Variants in SSUH2 observed in about 807,000 individuals in gnomAD.
SSUH2 encodes protein SSUH2 homolog.
SSUH2 carries 47 observed loss-of-function variants against 55.3 expected under a neutral mutation model. The ratio of observed to expected loss-of-function variants is 0.85; its 90% CI spans 0.67 to 1.08. The LOEUF (loss-of-function observed/expected upper bound fraction) is 1.08. SSUH2 is among the 50% of genes least tolerant of loss of function. The pLI is 0.00. For missense variants in SSUH2, 535 were observed against 490.7 expected, an observed-to-expected ratio of 1.09 and a Z score of -0.85; for synonymous variants, 212 against 191.5, an observed-to-expected ratio of 1.11 and a Z score of -0.89.
intron 2 of SSUH2, among the ~76,000 whole-genome samples, chr3:8,679,144 C>T (rs1355598731): frequency 1.9e-5 from 2 of 104,582 alleles, no homozygotes; most frequent in African/African-American, 3.2e-5. Context: ...GAGGCACCCC[C>T]GCGAGGCGGG....
In SSUH2 at chr3:8,619,839, T is replaced by C. The variant is rs1278329753; in HGVS notation, c.*29A>G. 6.2e-7 allele frequency: 1 copy of C among 1,606,356 alleles called. No individual in the cohort carries two copies. The highest frequency in any genetic ancestry group is 1.7e-5 in the Admixed American group (1 of 59,204). On this transcript the variant is annotated 3_prime_UTR_variant, in exon 12 of 12. Coordinates refer to ENST00000544814, the MANE Select transcript of SSUH2 (RefSeq NM_001256748.3). ...GGCCATCTTCCTTGGCAAACGTGAA[T>C]GGCAGGCTCTGGGGACAGCCATGCT...
chr3:8,624,127 A>T (rs1208094190), intron 10 of SSUH2, among the ~76,000 whole-genome samples: 2 of 150,568 alleles, frequency 1.3e-5, no homozygotes, highest in Non-Finnish European at 2.9e-5. Flanking sequence ...GCACTGGGGC[A>T]TCTCCTCGGT....
chr3:8,627,907 C>T, intron 7 of SSUH2, 124 bp from the exon 8 acceptor site: 1 of 694,032 alleles, frequency 1.4e-6, no homozygotes, highest in East Asian at 3.1e-5. Flanking sequence ...GCCCCTTCAT[C>T]TGTAAAATGG....
chr3:8,666,193 C>CT (rs1703976429), intron 5 of SSUH2, among the ~76,000 whole-genome samples: 1 of 152,142 alleles, frequency 6.6e-6, no homozygotes, highest in Admixed American at 6.5e-5. Flanking sequence ...CTGCTTTTTA[C>CT]TTTTTTTCTC....
Position 8,635,803 on chromosome 3 carries a change from A to G in SSUH2, c.83T>C (p.Leu28Pro), listed in dbSNP as rs1699832099. The change falls in exon 2 of 12, where the codon CTC (leucine) becomes CCC (proline). Residue 28 changes from leucine to proline, a missense_variant. Transcript: ENST00000544814. Reference protein sequence around the residue: ...AESPLAPPTELLERLPSYDWL... With the variant: ...AESPLAPPTEPLERLPSYDWL... ...GTCATAGCTGGGCAGTCTCTCCAGGAGCTCTGTGGGGGGCGCCAGAGGACT... is the reference window on the plus strand; with the variant it reads ...GTCATAGCTGGGCAGTCTCTCCAGGGGCTCTGTGGGGGGCGCCAGAGGACT... 2 of 1,535,938 alleles carry G rather than the reference A, an allele frequency of 1.3e-6. No individual in the cohort carries two copies. Among genetic ancestry groups the G allele is most frequent in the Non-Finnish European group, 1.7e-6 (2 of 1,146,886 alleles).
chr3:8,641,648 G>A (rs947373410), intron 1 of SSUH2, among the ~76,000 whole-genome samples: 5 of 152,198 alleles, frequency 3.3e-5, no homozygotes, highest in Admixed American at 6.5e-5. Flanking sequence ...GACCAGATGG[G>A]CCCCTAGAGG....
At chr3:8,663,386 A>G (rs1295341036) in intron 6 of SSUH2, among the ~76,000 whole-genome samples, 2 of 152,264 alleles carry the variant, frequency 1.3e-5, no homozygotes, top group Non-Finnish European at 1.5e-5. Flanking sequence ...GCTGAGCCCA[A>G]GGAAGTGCCT....
chr3:8,635,754 C>A lies in SSUH2; in HGVS notation c.127+5G>T. ...CCCAAAGAACCAAGCCCTCTTGGAA[C>A]TTACTGCCCCCTTGAAGAAGCCAGT... On this transcript the variant is annotated splice_donor_5th_base_variant and intron_variant, in intron 2 of 11. Transcript: ENST00000544814. 1.3e-6 allele frequency: 2 copies of A among 1,534,818 alleles called. No individual in the cohort carries two copies. The highest frequency in any genetic ancestry group is 1.7e-6 in the Non-Finnish European group (2 of 1,146,270).
At chr3:8,680,831 C>A (rs887599323) in intron 1 of SSUH2, among the ~76,000 whole-genome samples, 5 of 152,054 alleles carry the variant, frequency 3.3e-5, no homozygotes, top group African/African-American at 4.8e-5. Flanking sequence ...GGGTGTACAC[C>A]TCGTTCTCTA....
At chr3:8,672,611 T>C (rs1182901433) in intron 3 of SSUH2, among the ~76,000 whole-genome samples, 1 of 152,116 alleles carries the variant, frequency 6.6e-6, no homozygotes, top group Non-Finnish European at 1.5e-5. Context: ...CCCTGCTGTT[T>C]GGGGAGTCAT....
At position 8,620,008 on chromosome 3, in the gene SSUH2, T is replaced by A. The variant is rs148585595; in HGVS notation, c.988A>T (p.Thr330Ser). ...SRARVLQQRQTIELIPLTEVH... is the reference protein window; with the variant it reads ...SRARVLQQRQSIELIPLTEVH... The stretch of plus-strand genomic sequence containing the variant: ...TCTGTGAGGGGGATCAGCTCAATGG[T>A]CTGGCGCTGAGGAAACAAATAGCCA... Residue 330 changes from threonine to serine, a missense_variant, in exon 12 of 12, where the codon ACC (threonine) becomes TCC (serine). Coordinates refer to ENST00000544814, the MANE Select transcript of SSUH2 (RefSeq NM_001256748.3). 3 of 1,613,928 alleles carry A rather than the reference T, an allele frequency of 1.9e-6. No homozygotes were observed. In the African/African-American group the frequency reaches 4.0e-5, roughly 22 times the overall value.
chr3:8,626,209 AT>A lies in SSUH2; in HGVS notation c.767+19del. 1 of 1,604,940 alleles carries A rather than the reference AT, an allele frequency of 6.2e-7. No individual in the cohort carries two copies. On this transcript the variant is annotated intron_variant, in intron 9 of 11. Coordinates refer to ENST00000544814, the MANE Select transcript of SSUH2 (RefSeq NM_001256748.3). ...CTCAGCCACCCCCGCATGCCACAGC[AT>A]TGAGACACTGCCACATACCACATGA...
In SSUH2 at chr3:8,635,756, T is replaced by C; in HGVS notation, c.127+3A>G. ...CAAAGAACCAAGCCCTCTTGGAACT[T>C]ACTGCCCCCTTGAAGAAGCCAGTCA... On this transcript the variant is annotated splice_donor_region_variant and intron_variant, in intron 2 of 11. Transcript: ENST00000544814. 1 of 1,535,094 alleles carries C rather than the reference T, an allele frequency of 6.5e-7. No homozygotes were observed. Among genetic ancestry groups the C allele is most frequent in the Non-Finnish European group, 8.7e-7 (1 of 1,146,384 alleles).
intron 5 of SSUH2, among the ~76,000 whole-genome samples, chr3:8,631,378 G>C (rs1338262336): frequency 2.6e-5 from 4 of 151,712 alleles, no homozygotes; most frequent in African/African-American, 9.7e-5. Context: ...TCTTCCTCTT[G>C]CTCTGTTCAA....
intron 3 of SSUH2, among the ~76,000 whole-genome samples, chr3:8,675,321 G>C (rs1268519063): frequency 6.6e-6 from 1 of 152,178 alleles, no homozygotes; most frequent in African/African-American, 2.4e-5. Context: ...TTCCCCAAGG[G>C]TTCAAGAACT....
chr3:8,629,635 G>GAC (rs1259002085), intron 7 of SSUH2, 29 bp downstream of exon 7: 2 of 1,612,934 alleles, frequency 1.2e-6, no homozygotes, highest in Non-Finnish European at 1.7e-6. Context: ...CACCCTCACT[G>GAC]ACTCACCAGT....
intron 7 of SSUH2, among the ~76,000 whole-genome samples, chr3:8,628,459 T>C (rs1698057669): frequency 1.3e-5 from 2 of 152,212 alleles, no homozygotes; most frequent in African/African-American, 4.8e-5. Context: ...CTGAGGGGCC[T>C]GTGCTGGGTT....
intron 1 of SSUH2, among the ~76,000 whole-genome samples, chr3:8,680,524 C>T (rs1220798587): frequency 6.6e-6 from 1 of 152,018 alleles, no homozygotes; most frequent in Non-Finnish European, 1.5e-5. Context: ...AGGGGTGTTT[C>T]TACTCCCTGC....
At chr3:8,652,281 C>A (rs550492368) in intron 7 of SSUH2, among the ~76,000 whole-genome samples, 3 of 152,248 alleles carry the variant, frequency 2.0e-5, no homozygotes, top group South Asian at 2.1e-4. Context: ...CAATCTCCCC[C>A]AGTCCCAGGG....
Sources: allele counts gnomAD v4.1 joint callset (sites outside exome capture counted in the v4.1 genomes callset), GRCh38; gene constraint gnomAD v4.1.1; transcripts MANE v1.5; gene names NCBI Gene and HGNC (gene_info 2026-07-23, HGNC 2026-07-21).